Variants in PHF3 observed in about 807,000 individuals in gnomAD.
The protein encoded by PHF3 is PHD finger protein 3.
A neutral mutation model predicts 178.4 loss-of-function variants in PHF3; 41 were observed. The ratio of observed to expected loss-of-function variants is 0.23; its 90% confidence interval spans 0.18 to 0.30. The LOEUF (loss-of-function observed/expected upper bound fraction) is 0.30, where lower values mean the gene tolerates loss of function less well. Ranked by LOEUF, PHF3 falls within the 10% of genes least tolerant of loss-of-function variation. The pLI is 1.00. For synonymous variants in PHF3, 842 were observed against 800.5 expected, an observed-to-expected ratio of 1.05 and a Z score of -0.88; for missense variants, 2,346 against 2,398.1, an observed-to-expected ratio of 0.98 and a Z score of 0.45.
chr6:63,696,287 A>G (rs1205701666), intron 6 of PHF3, among the ~76,000 whole-genome samples: 2 of 152,136 alleles, frequency 1.3e-5, no homozygotes, highest in Non-Finnish European at 2.9e-5. Flanking sequence ...CAATGAAGGG[A>G]CAGAAGCAGA....
intron 2 of PHF3, among the ~76,000 whole-genome samples, chr6:63,671,770 G>A (rs1211571846): frequency 6.6e-6 from 1 of 152,014 alleles, no homozygotes; most frequent in Non-Finnish European, 1.5e-5. Flanking sequence ...TTTTTGAGAC[G>A]GAGTCGTCCT....
Position 63,685,686 on chromosome 6 carries a change from T to C in PHF3, c.1964T>C (p.Phe655Ser), listed in dbSNP as rs1189151920. 1 of 1,613,922 alleles carries C rather than the reference T, an allele frequency of 6.2e-7. No homozygotes were observed. The highest frequency in any genetic ancestry group is 8.5e-7 in the Non-Finnish European group (1 of 1,180,016). ...EELEHPGVEHFKEEDKLKLKK... is the reference protein window; with the variant it reads ...EELEHPGVEHSKEEDKLKLKK... Reference sequence around the variant, plus strand: ...CTTGAACACCCAGGCGTTGAGCATTTTAAGGAAGAGGATAAACTGAAACTG... The same window carrying C: ...CTTGAACACCCAGGCGTTGAGCATTCTAAGGAAGAGGATAAACTGAAACTG... Residue 655 changes from phenylalanine (F) to serine (S), a missense_variant, in exon 4 of 16, where the codon TTT becomes TCT. Phe to Ser is a radical substitution (Grantham distance 155). Coordinates refer to ENST00000262043, the MANE Select transcript of PHF3 (RefSeq NM_001370348.2).
Position 63,716,319 on chromosome 6 carries a change from A to C in PHF3, c.*2611A>C, listed in dbSNP as rs1768188633. ...TCTGAGAATTGAGAATGAGAAAAAG[A>C]AGCAAAAGCCTGATGATCATATATA... On this transcript the variant is annotated 3_prime_UTR_variant, in exon 16 of 16. Transcript: ENST00000262043. 2.0e-5 allele frequency among the ~76,000 whole-genome samples: 3 copies of C among 152,132 alleles called. No individual in the cohort carries two copies. In the South Asian group the frequency reaches 6.2e-4, roughly 31 times the overall value.
intron 1 of PHF3, 79 bp from the exon 2 acceptor site, chr6:63,646,448 A>C: frequency 9.9e-7 from 1 of 1,005,992 alleles, no homozygotes; most frequent in Non-Finnish European, 1.4e-6. Context: ...TAGACTCAAA[A>C]CTATTAAAAT....
chr6:63,683,754 T>C (rs1400073180), intron 3 of PHF3, among the ~76,000 whole-genome samples: 2 of 152,126 alleles, frequency 1.3e-5, no homozygotes, highest in East Asian at 1.9e-4. Context: ...TAAAAATCCA[T>C]GATGGTCTTG....
rs1285827462 is a variant in PHF3, at chr6:63,717,392, T to C, written c.*3684T>C. Among the ~76,000 whole-genome samples the C allele has an allele frequency of 6.6e-6, 1 of 152,112 alleles. No homozygotes were observed. The highest frequency in any genetic ancestry group is 1.5e-5 in the Non-Finnish European group (1 of 67,980). Reference sequence around the variant, plus strand: ...CCTGTAACACTGGTCAGGCTACAACTTACTAATGACTACAAAGAACTATAT... The same window carrying C: ...CCTGTAACACTGGTCAGGCTACAACCTACTAATGACTACAAAGAACTATAT... On this transcript the variant is annotated 3_prime_UTR_variant, in exon 16 of 16. Transcript: ENST00000262043.
chr6:63,661,133 T>A (rs1765448809), intron 2 of PHF3, among the ~76,000 whole-genome samples: 1 of 152,224 alleles, frequency 6.6e-6, no homozygotes, highest in South Asian at 2.1e-4. Context: ...TCAACATTAC[T>A]GTGTTTAATC....
chr6:63,688,586 C>T (rs1766854682), intron 4 of PHF3, among the ~76,000 whole-genome samples: 2 of 151,812 alleles, frequency 1.3e-5, no homozygotes, highest in Non-Finnish European at 2.9e-5. Flanking sequence ...CCGCCCGCCT[C>T]AGCCTCCCAA....
intron 2 of PHF3, among the ~76,000 whole-genome samples, chr6:63,660,455 A>T (rs952177240): frequency 2.0e-5 from 3 of 152,232 alleles, no homozygotes; most frequent in Middle Eastern, 3.4e-3. Flanking sequence ...GCTGATTTTG[A>T]CTTTATTCAT....
In PHF3 at chr6:63,712,340, A is replaced by C. The variant is rs1767982223; in HGVS notation, c.4752A>C (p.Glu1584Asp). The C allele has an allele frequency of 1.2e-6, 2 of 1,613,340 alleles. No homozygotes were observed. The highest frequency in any genetic ancestry group is 1.1e-5 in the South Asian group (1 of 90,936). Residue 1584 changes from glutamate (E) to aspartate (D), a missense_variant, in exon 16 of 16, where the codon GAA (glutamate) becomes GAC (aspartate). By Grantham distance (45) the Glu-to-Asp change is conservative. Around this residue, in one of 8 missense-constraint regions of PHF3, gnomAD observed 839 missense variants for 806.9 expected, o/e 1.04. Coordinates refer to ENST00000262043, the MANE Select transcript of PHF3 (RefSeq NM_001370348.2). ...TATCAATTCAGTCAAAACAAGAGGA[A>C]ACTGTGGAGAGTAAAGAGAAAACAT... is the stretch of plus-strand genomic sequence containing the variant. ...TNLSIQSKQE[E>D]TVESKEKTLK... is the part of the protein sequence containing the mutation.
Position 63,698,271 on chromosome 6 carries a change from T to C in PHF3, c.2729T>C (p.Val910Ala). 6.2e-7 allele frequency: 1 copy of C among 1,612,220 alleles called. No individual in the cohort carries two copies. Among genetic ancestry groups the C allele is most frequent in the Non-Finnish European group, 8.5e-7 (1 of 1,178,770 alleles). ...EMKKKKVEKG[V>A]LNVHPAASAS... The stretch of plus-strand genomic sequence containing the variant: ...AAAAAGAAGAAAGTTGAAAAAGGAG[T>C]GCTTAATGTACATCCTGCTGCTTCT... Residue 910 changes from valine (V) to alanine (A), a missense_variant, in exon 7 of 16, where the codon GTG becomes GCG. Transcript: ENST00000262043.
rs775316446 is a variant in PHF3, at chr6:63,721,260, T to C, written c.*7552T>C. 4.5e-6 allele frequency: 7 copies of C among 1,551,874 alleles called. 1 individual carries two copies. The South Asian group carries it at 4.8e-5, about 11-fold the overall frequency. The stretch of plus-strand genomic sequence containing the variant: ...TGATTGGTCAGGTATACATAAAGAT[T>C]GGTGGAGGCAAAGATTATTCAAACA... On this transcript the variant is annotated 3_prime_UTR_variant, in exon 16 of 16. Coordinates refer to ENST00000262043, the MANE Select transcript of PHF3 (RefSeq NM_001370348.2).
intron 2 of PHF3, among the ~76,000 whole-genome samples, chr6:63,670,423 C>T (rs920485858): frequency 1.3e-5 from 2 of 152,098 alleles, no homozygotes; most frequent in Non-Finnish European, 2.9e-5. Flanking sequence ...TGCCTGCCAC[C>T]GTGCCTGGCT....
chr6:63,637,062 A>G (rs2149531235), intron 1 of PHF3, among the ~76,000 whole-genome samples: 1 of 152,334 alleles, frequency 6.6e-6, no homozygotes, highest in South Asian at 2.1e-4. Context: ...GAATATGTTC[A>G]TGGATTAATG....
rs376711054 is a variant in PHF3, at chr6:63,652,977, TTTATTA to T, written c.244+6194_244+6199del. Among the ~76,000 whole-genome samples the T allele has an allele frequency of 1.9e-3, 286 of 151,784 alleles. 1 individual carries two copies. Among genetic ancestry groups the T allele is most frequent in the African/African-American group, 6.4e-3 (266 of 41,470 alleles). ...AGTCCAGTAGTGTGATAACTCCAGC[TTTATTA>T]TTATTATTATTTTTTGCTCAGGATT... On this transcript the variant is annotated intron_variant, in intron 2 of 15. Coordinates refer to ENST00000262043, the MANE Select transcript of PHF3 (RefSeq NM_001370348.2).
chr6:63,680,992 T>C (rs574072477), intron 3 of PHF3, among the ~76,000 whole-genome samples: 1 of 152,120 alleles, frequency 6.6e-6, no homozygotes, highest in East Asian at 1.9e-4. Context: ...TCCAGTAGTT[T>C]TGTGAGAAAA....
chr6:63,678,724 A>T (rs528678140), intron 2 of PHF3: 2 of 405,736 alleles, frequency 4.9e-6, no homozygotes, highest in Non-Finnish European at 9.7e-6. Context: ...TGATCAAAGC[A>T]TATGAGCAGT....
intron 2 of PHF3, among the ~76,000 whole-genome samples, chr6:63,651,768 A>G (rs1004378926): frequency 4.0e-5 from 6 of 151,202 alleles, no homozygotes; most frequent in Non-Finnish European, 8.8e-5. Context: ...TGTGAGCTCA[A>G]CTCTTTTGCT....
Position 63,691,820 on chromosome 6 carries a change from G to T in PHF3, c.2273G>T (p.Gly758Val), listed in dbSNP as rs1313896336. Residue 758 changes from glycine to valine, a missense_variant, in exon 5 of 16, where the codon GGC (glycine) becomes GTC (valine). Coordinates refer to ENST00000262043, the MANE Select transcript of PHF3 (RefSeq NM_001370348.2). ...AGTCTTTCTCAAGCACAGCAGATGG[G>T]CGAGGAAGACAAAGAATATGTCTGT... is the stretch of plus-strand genomic sequence containing the variant. ...GLSLSQAQQM[G>V]EEDKEYVCVK... 6.2e-7 allele frequency: 1 copy of T among 1,613,590 alleles called. No homozygotes were observed. The highest frequency in any genetic ancestry group is 1.7e-5 in the Admixed American group (1 of 59,944).
Sources: allele counts gnomAD v4.1 joint callset (sites outside exome capture counted in the v4.1 genomes callset), GRCh38; gene constraint gnomAD v4.1.1; regional missense constraint gnomAD v4.1.1; transcripts MANE v1.5; gene names NCBI Gene and HGNC (gene_info 2026-07-23, HGNC 2026-07-21).